The following DCC variants were observed in gnomAD, a reference collection of about 807,000 sequenced individuals.
The protein encoded by DCC is DCC netrin 1 receptor, also known as netrin receptor DCC.
In DCC, 58 loss-of-function variants were observed where a neutral mutation model predicts 172.5. The observed-to-expected ratio is 0.34, with a 90% CI of 0.27 to 0.42. The LOEUF is 0.42. Ranked by LOEUF, DCC falls within the 10% of genes least tolerant of loss-of-function variation. The pLI is 1.00. For synonymous variants in DCC, 709 were observed against 644.5 expected, an observed-to-expected ratio of 1.10 and a Z score of -1.52; for missense variants, 1,740 against 1,791.0, an observed-to-expected ratio of 0.97 and a Z score of 0.51.
At chr18:52,611,029 A>C (rs2144839802) in intron 1 of DCC, among the ~76,000 whole-genome samples, 1 of 152,292 alleles carries the variant, frequency 6.6e-6, no homozygotes, top group South Asian at 2.1e-4. Context: ...TTGTTGCCAA[A>C]GTGGTTAGAA....
intron 15 of DCC, among the ~76,000 whole-genome samples, chr18:53,346,430 TTTATC>T (rs1275415354): frequency 6.6e-6 from 1 of 152,158 alleles, no homozygotes; most frequent in African/African-American, 2.4e-5. Flanking sequence ...ACATTTGAAT[TTTATC>T]TTATACATTC....
At chr18:52,693,861 T>G (rs1410649106) in intron 1 of DCC, among the ~76,000 whole-genome samples, 1 of 152,022 alleles carries the variant, frequency 6.6e-6, no homozygotes, top group African/African-American at 2.4e-5. Context: ...TATACATGAG[T>G]ACGTGCTGAT....
intron 1 of DCC, among the ~76,000 whole-genome samples, chr18:52,420,406 A>T (rs566842603): frequency 1.3e-5 from 2 of 152,218 alleles, no homozygotes; most frequent in South Asian, 4.2e-4. Flanking sequence ...GATCTAGGGG[A>T]GCATTTCTTA....
chr18:53,257,207 C>T (rs2056529341), intron 12 of DCC, among the ~76,000 whole-genome samples: 1 of 152,052 alleles, frequency 6.6e-6, no homozygotes, highest in Non-Finnish European at 1.5e-5. Flanking sequence ...CTTTTATTTC[C>T]TTCTCCTGCC....
chr18:53,188,595 G>A (rs761884511), intron 9 of DCC, among the ~76,000 whole-genome samples: 4 of 152,156 alleles, frequency 2.6e-5, no homozygotes, highest in African/African-American at 4.8e-5. Flanking sequence ...AAATAAGTAA[G>A]TGAACTTGTT....
intron 2 of DCC, among the ~76,000 whole-genome samples, chr18:52,813,706 G>A (rs1391017204): frequency 6.6e-6 from 1 of 152,200 alleles, no homozygotes; most frequent in Non-Finnish European, 1.5e-5. Context: ...ACTGAGTAAA[G>A]CAGATTGCCA....
intron 2 of DCC, among the ~76,000 whole-genome samples, chr18:52,883,381 TGTGTGTGTGTGA>T (rs1403975802): frequency 0.01 from 1,216 of 115,910 alleles, 8 homozygotes; most frequent in Admixed American, 0.013. Context: ...TGTGTGTGTG[TGTGTGTGTGTGA>T]GATCTCTTTC....
intron 1 of DCC, among the ~76,000 whole-genome samples, chr18:52,629,355 T>G (rs943763747): frequency 4.7e-4 from 71 of 152,284 alleles, no homozygotes; most frequent in African/African-American, 1.6e-3. Flanking sequence ...TGCTGGTATT[T>G]TTTCATTTTT....
intron 1 of DCC, among the ~76,000 whole-genome samples, chr18:52,402,976 C>T (rs1352754448): frequency 6.6e-6 from 1 of 152,004 alleles, no homozygotes; most frequent in African/African-American, 2.4e-5. Context: ...GAAGTTTAGT[C>T]ACTGTATAGG....
At chr18:52,779,125 T>C (rs904138898) in intron 2 of DCC, among the ~76,000 whole-genome samples, 5 of 152,180 alleles carry the variant, frequency 3.3e-5, no homozygotes, top group Non-Finnish European at 5.9e-5. Flanking sequence ...TTCAAGTGTA[T>C]GTTGGCTTCT....
chr18:53,513,071 G>A (rs1018951589), intron 27 of DCC, among the ~76,000 whole-genome samples: 7 of 152,136 alleles, frequency 4.6e-5, no homozygotes, highest in African/African-American at 1.7e-4. Context: ...GAAAGGTCGG[G>A]TTACCCTCAA....
intron 1 of DCC, among the ~76,000 whole-genome samples, chr18:52,418,762 C>A (rs1987135487): frequency 6.6e-6 from 1 of 152,072 alleles, no homozygotes; most frequent in Admixed American, 6.6e-5. Flanking sequence ...TACAAAATAT[C>A]CTAGGATGAC....
intron 1 of DCC, among the ~76,000 whole-genome samples, chr18:52,706,887 A>G (rs1460188): frequency 0.97 from 148,119 of 152,216 alleles, 72,182 homozygotes; most frequent in East Asian, 1. Context: ...TTCTGAGTAT[A>G]GGGCAAGGGA....
intron 21 of DCC, among the ~76,000 whole-genome samples, chr18:53,426,459 A>G (rs1910968880): frequency 8.0e-6 from 1 of 125,088 alleles, no homozygotes. Flanking sequence ...TATGTAATAT[A>G]TATTTATTAT....
chr18:52,907,182 A>G (rs1369010170), intron 3 of DCC, among the ~76,000 whole-genome samples: 1 of 149,064 alleles, frequency 6.7e-6, no homozygotes, highest in African/African-American at 2.5e-5. Context: ...TATATACATG[A>G]TATGTATTAT....
At chr18:52,615,477 C>G (rs1482005862) in intron 1 of DCC, among the ~76,000 whole-genome samples, 1 of 152,156 alleles carries the variant, frequency 6.6e-6, no homozygotes, top group Non-Finnish European at 1.5e-5. Flanking sequence ...TTTTTCCTGG[C>G]TTTAGGCAGA....
Position 52,614,249 on chromosome 18 carries a change from G to C in DCC, c.92-137805G>C, listed in dbSNP as rs1053326545. On this transcript the variant is annotated intron_variant, in intron 1 of 28. Coordinates refer to ENST00000442544, the MANE Select transcript of DCC (RefSeq NM_005215.4). Reference sequence around the variant, plus strand: ...TTAGGTGGACGAAGTGTACTAAACTGTAAGTTACTGATATTATAGGTCTCT... The same window carrying C: ...TTAGGTGGACGAAGTGTACTAAACTCTAAGTTACTGATATTATAGGTCTCT... Among the ~76,000 whole-genome samples, 10 of 152,184 alleles carry C rather than the reference G, an allele frequency of 6.6e-5. No homozygotes were observed. In the East Asian group the frequency reaches 1.9e-3, roughly 29 times the overall value.
chr18:53,402,754 T>G (rs1421508494), intron 18 of DCC, 32 bp from the exon 19 acceptor site: 2 of 1,433,174 alleles, frequency 1.4e-6, no homozygotes, highest in Admixed American at 3.3e-5. Context: ...TCACATCCAA[T>G]GACAAGGCCT....
intron 7 of DCC, among the ~76,000 whole-genome samples, chr18:53,080,098 GTAT>G (rs778698073): frequency 7.9e-5 from 12 of 152,208 alleles, no homozygotes; most frequent in Non-Finnish European, 1.2e-4. Flanking sequence ...TTGGAAAGCT[GTAT>G]CATCAGTAGG....
Sources: gnomAD v4.1 joint callset for allele counts (sites outside exome capture counted in the v4.1 genomes callset) on GRCh38, gnomAD v4.1.1 for gene constraint, MANE v1.5 for transcripts, NCBI Gene and HGNC (gene_info 2026-07-23, HGNC 2026-07-21) for gene names.